TRHDE: variants seen among roughly 807,000 people sequenced by gnomAD.
TRHDE encodes the protein thyrotropin releasing hormone degrading enzyme.
A neutral mutation model predicts 125.7 loss-of-function variants in TRHDE; 72 were observed. The observed-to-expected ratio is 0.57, with a 90% CI of 0.47 to 0.70. The LOEUF (loss-of-function observed/expected upper bound fraction) is 0.70, where lower values mean the gene tolerates loss of function less well. Ranked by LOEUF, TRHDE falls within the 30% of genes least tolerant of loss-of-function variation. TRHDE has a pLI of 0.00. For missense variants in TRHDE, 1,110 were observed against 1,327.1 expected (o/e 0.84, Z 2.54); for synonymous variants, 509 against 509.1 (o/e 1.00, Z 0.00).
At position 72,386,702 on chromosome 12, in the gene TRHDE, G is replaced by A. The variant is rs192746403; in HGVS notation, c.1315+8581G>A. On this transcript the variant is annotated intron_variant, in intron 3 of 18. Transcript: ENST00000261180. ...TGTCTTTTGAATGCATTTTACATCAGACTTCCCCTCAACACTATACTAAAA... is the reference window on the plus strand; with the variant it reads ...TGTCTTTTGAATGCATTTTACATCAAACTTCCCCTCAACACTATACTAAAA... Among the ~76,000 whole-genome samples, 204 of 152,136 alleles carry A rather than the reference G, an allele frequency of 1.3e-3. 2 individuals are homozygous for A. The highest frequency in any genetic ancestry group is 3.8e-3 in the Admixed American group (58 of 15,272).
intron 5 of TRHDE, among the ~76,000 whole-genome samples, chr12:72,483,086 T>A (rs1313225458): frequency 1.3e-5 from 2 of 152,158 alleles, no homozygotes; most frequent in Middle Eastern, 3.4e-3. Context: ...CATTGACTTG[T>A]TCTCTTTCTT....
At chr12:72,599,004 T>C (rs1388091080) in intron 12 of TRHDE, among the ~76,000 whole-genome samples, 1 of 152,260 alleles carries the variant, frequency 6.6e-6, no homozygotes, top group South Asian at 2.1e-4. Flanking sequence ...TGTTCCTGCA[T>C]TAATTCACTT....
chr12:72,338,268 A>C (rs990530724), intron 2 of TRHDE, among the ~76,000 whole-genome samples: 1 of 152,152 alleles, frequency 6.6e-6, no homozygotes, highest in African/African-American at 2.4e-5. Flanking sequence ...CTAACTAAGG[A>C]CGGTAGTGAT....
At chr12:72,550,106 T>A (rs1221975872) in intron 7 of TRHDE, among the ~76,000 whole-genome samples, 1 of 151,966 alleles carries the variant, frequency 6.6e-6, no homozygotes, top group African/African-American at 2.4e-5. Flanking sequence ...GTTGATATTA[T>A]AAAATGACTT....
intron 2 of TRHDE, among the ~76,000 whole-genome samples, chr12:72,296,363 T>G (rs1348881530): frequency 1.3e-5 from 2 of 152,178 alleles, no homozygotes; most frequent in East Asian, 3.8e-4. Flanking sequence ...AAAGAGTTAC[T>G]AAAGAGAGTT....
intron 3 of TRHDE, among the ~76,000 whole-genome samples, chr12:72,397,614 A>C (rs1341679961): frequency 6.6e-6 from 1 of 152,070 alleles, no homozygotes; most frequent in East Asian, 1.9e-4. Flanking sequence ...GCTTATTTGA[A>C]TGCATCACTT....
At chr12:72,402,638 T>C (rs1873091568) in intron 3 of TRHDE, among the ~76,000 whole-genome samples, 6 of 152,208 alleles carry the variant, frequency 3.9e-5, no homozygotes, top group Admixed American at 3.9e-4. Flanking sequence ...CAAAGACTAT[T>C]TCCAAGTAAG....
In TRHDE at chr12:72,272,934, C is replaced by T. The variant is rs754527030; in HGVS notation, c.291C>T (p.Leu97=). ...TCGCTGTGTCCCTCGTGGCATTGCTCGCGGTCACAATGCTCGCTGTGCTGC... is the reference window on the plus strand; with the variant it reads ...TCGCTGTGTCCCTCGTGGCATTGCTTGCGGTCACAATGCTCGCTGTGCTGC... ...LAFAVSLVAL[L]AVTMLAVLLS... is the part of the protein sequence containing the mutation. Residue 97 remains leucine (L), a synonymous_variant, in exon 1 of 19, where the codon CTC becomes CTT. Transcript: ENST00000261180. This position sits in a 1 kb window ranked among gnomAD's most constrained non-coding sequence, Gnocchi z 6.7. 360 of 1,577,682 alleles carry T rather than the reference C, an allele frequency of 2.3e-4. No homozygotes were observed. The highest frequency in any genetic ancestry group is 3.5e-4 in the Middle Eastern group (2 of 5,670).
At chr12:72,474,043 T>C (rs1876773570) in intron 5 of TRHDE, among the ~76,000 whole-genome samples, 3 of 149,530 alleles carry the variant, frequency 2.0e-5, no homozygotes, top group African/African-American at 7.3e-5. Flanking sequence ...CACACACACA[T>C]ACATATATAT....
chr12:72,567,761 G>A (rs910890695), intron 9 of TRHDE, among the ~76,000 whole-genome samples: 8 of 152,012 alleles, frequency 5.3e-5, no homozygotes, highest in Non-Finnish European at 8.8e-5. Context: ...ATTTCAAGAA[G>A]GAAACAAATA....
intron 2 of TRHDE, among the ~76,000 whole-genome samples, chr12:72,114,753 A>G (rs1875403118): frequency 6.6e-6 from 1 of 152,054 alleles, no homozygotes; most frequent in African/African-American, 2.4e-5. Context: ...CATAAATAGT[A>G]CAGGATGTGC....
intron 3 of TRHDE, among the ~76,000 whole-genome samples, chr12:72,441,215 G>A (rs1281334673): frequency 1.3e-5 from 2 of 151,680 alleles, no homozygotes; most frequent in African/African-American, 4.8e-5. Context: ...ATTTTTGCTG[G>A]TGTTTTGCTT....
intron 2 of TRHDE, among the ~76,000 whole-genome samples, chr12:72,325,939 T>C: frequency 6.6e-6 from 1 of 152,176 alleles, no homozygotes; most frequent in East Asian, 1.9e-4. Context: ...CTCAAATAAC[T>C]TGCCAGTTTG....
intron 9 of TRHDE, among the ~76,000 whole-genome samples, chr12:72,568,295 A>G (rs1310808170): frequency 6.6e-6 from 1 of 152,086 alleles, no homozygotes; most frequent in African/African-American, 2.4e-5. Context: ...TTCAAATTCA[A>G]AATGCGAATC....
chr12:72,272,315 G>T (rs149875471), upstream of TRHDE: 11,664 of 359,784 alleles, frequency 0.032, 276 homozygotes, highest in Middle Eastern at 0.065. This position sits in a 1 kb window ranked among gnomAD's most constrained non-coding sequence, Gnocchi z 6.7. Flanking sequence ...AGAGCCGGGA[G>T]CCGCAGGCGC....
At chr12:72,643,948 G>A (rs552093698) in intron 15 of TRHDE, among the ~76,000 whole-genome samples, 2 of 152,210 alleles carry the variant, frequency 1.3e-5, no homozygotes, top group Admixed American at 6.5e-5. Context: ...GGATGCCTTG[G>A]TATTACTCTG....
intron 3 of TRHDE, among the ~76,000 whole-genome samples, chr12:72,422,142 C>G (rs972099344): frequency 2.0e-5 from 3 of 151,968 alleles, no homozygotes; most frequent in Non-Finnish European, 4.4e-5. Flanking sequence ...AATTTTTTAT[C>G]TATAGAAATG....
chr12:72,521,269 T>C (rs1879180470), intron 6 of TRHDE, among the ~76,000 whole-genome samples: 1 of 152,226 alleles, frequency 6.6e-6, no homozygotes, highest in African/African-American at 2.4e-5. Context: ...TCTACCTTGA[T>C]GAGATACTTT....
intron 2 of TRHDE, among the ~76,000 whole-genome samples, chr12:72,224,091 C>CATCTATCTATCTATCTATCTATCTATCT (rs755241021): frequency 4.0e-5 from 2 of 50,252 alleles, no homozygotes; most frequent in Non-Finnish European, 8.5e-5. Flanking sequence ...TCTATCTATC[C>CATCTATCTATCTATCTATCTATCTATCT]ATCTATCTAT....
Sources: gnomAD v4.1 joint callset for allele counts (sites outside exome capture counted in the v4.1 genomes callset) on GRCh38, gnomAD v4.1.1 for gene constraint, Gnocchi (gnomAD v3.1) non-coding constraint, MANE v1.5 for transcripts, NCBI Gene and HGNC (gene_info 2026-07-23, HGNC 2026-07-21) for gene names.